INSC: variants seen among roughly 807,000 people sequenced by gnomAD.
The protein encoded by INSC is INSC spindle orientation adaptor protein.
INSC carries 67 observed loss-of-function variants against 58.6 expected under a neutral mutation model. The observed-to-expected ratio is 1.14, with a 90% confidence interval of 0.94 to 1.40. The LOEUF (loss-of-function observed/expected upper bound fraction) is 1.40. Ranked by LOEUF, INSC falls within the 40% of genes most tolerant of loss-of-function variation. The pLI, the probability that INSC is intolerant of heterozygous loss-of-function variation, is 0.00. For synonymous variants in INSC, 262 were observed against 276.1 expected (o/e 0.95, Z 0.51); for missense variants, 714 against 692.0 (o/e 1.03, Z -0.36).
intron 1 of INSC, among the ~76,000 whole-genome samples, chr11:15,146,761 T>G (rs1449744392): frequency 6.6e-6 from 1 of 152,232 alleles, no homozygotes. Context: ...GGCTATTGAA[T>G]GTACAGTCAC....
At chr11:15,211,145 G>C (rs1390951054) in intron 7 of INSC, among the ~76,000 whole-genome samples, 2 of 152,226 alleles carry the variant, frequency 1.3e-5, no homozygotes, top group African/African-American at 4.8e-5. Context: ...TTCCAAAGGA[G>C]TGTTTCGTTC....
intron 5 of INSC, among the ~76,000 whole-genome samples, chr11:15,180,208 A>C (rs781671435): frequency 5.9e-5 from 9 of 152,122 alleles, no homozygotes; most frequent in Non-Finnish European, 1.3e-4. Context: ...CAGTGAGGGG[A>C]GATCGCGCCA....
At chr11:15,155,791 G>A (rs1848795427) in intron 2 of INSC, among the ~76,000 whole-genome samples, 1 of 152,188 alleles carries the variant, frequency 6.6e-6, no homozygotes, top group East Asian at 1.9e-4. Context: ...GCCAAGAAAA[G>A]AATAGGCATA....
intron 5 of INSC, chr11:15,188,144 G>T (rs1460467334): frequency 2.0e-6 from 2 of 982,108 alleles, no homozygotes; most frequent in East Asian, 2.3e-4. Flanking sequence ...GTGTGGCCTT[G>T]GCAAGAATAC....
At chr11:15,199,211 C>A (rs543743608) in intron 6 of INSC, among the ~76,000 whole-genome samples, 1 of 152,126 alleles carries the variant, frequency 6.6e-6, no homozygotes, top group Non-Finnish European at 1.5e-5. Flanking sequence ...TTTGAATGCA[C>A]GAATGAATGT....
intron 2 of INSC, among the ~76,000 whole-genome samples, chr11:15,157,149 C>A (rs1848842901): frequency 6.6e-6 from 1 of 152,176 alleles, no homozygotes; most frequent in Admixed American, 6.5e-5. Flanking sequence ...CTCCTGGGAG[C>A]CACGTTCACT....
At chr11:15,167,419 A>G (rs1341040572) in intron 2 of INSC, among the ~76,000 whole-genome samples, 2 of 152,022 alleles carry the variant, frequency 1.3e-5, no homozygotes, top group Non-Finnish European at 2.9e-5. Context: ...TTGGGGAGAA[A>G]GAGTTGCTGC....
intron 1 of INSC, among the ~76,000 whole-genome samples, chr11:15,123,831 A>T (rs1040875389): frequency 4.6e-5 from 7 of 152,192 alleles, no homozygotes; most frequent in African/African-American, 1.7e-4. Flanking sequence ...AAATATCTTT[A>T]CAATTCTATG....
At chr11:15,268,541 C>T in the INSC span, among the ~76,000 whole-genome samples, 2 of 152,034 alleles carry the variant, frequency 1.3e-5, no homozygotes, top group African/African-American at 4.8e-5. Context: ...AAGTTATAGT[C>T]TCTAAAATGA....
the INSC span, among the ~76,000 whole-genome samples, chr11:15,267,807 T>C: frequency 1.2e-4 from 19 of 152,160 alleles, 1 homozygote; most frequent in East Asian, 3.5e-3. Flanking sequence ...TAATTATTGA[T>C]TGGATGCAAG....
At chr11:15,121,533 G>A (rs1467400369) in intron 1 of INSC, among the ~76,000 whole-genome samples, 1 of 152,154 alleles carries the variant, frequency 6.6e-6, no homozygotes, top group African/African-American at 2.4e-5. Flanking sequence ...TTTATCACTT[G>A]CTTAAGAATA....
the INSC span, among the ~76,000 whole-genome samples, chr11:15,258,070 T>A: frequency 1.3e-5 from 2 of 152,156 alleles, no homozygotes; most frequent in Non-Finnish European, 2.9e-5. Flanking sequence ...AGACCTGCAG[T>A]ATATATGGGA....
intron 2 of INSC, among the ~76,000 whole-genome samples, chr11:15,174,147 G>T (rs1438031094): frequency 2.1e-5 from 3 of 144,280 alleles, no homozygotes; most frequent in African/African-American, 7.8e-5. Flanking sequence ...GCTATTCCTT[G>T]CACATCTCAG....
intron 2 of INSC, among the ~76,000 whole-genome samples, chr11:15,166,718 T>G (rs1043465478): frequency 4.6e-5 from 7 of 152,240 alleles, no homozygotes; most frequent in African/African-American, 1.7e-4. Flanking sequence ...ACATATTTAT[T>G]GATACCTACT....
At chr11:15,155,454 AT>A (rs1159625196) in intron 2 of INSC, among the ~76,000 whole-genome samples, 5 of 152,224 alleles carry the variant, frequency 3.3e-5, no homozygotes, top group African/African-American at 1.2e-4. Flanking sequence ...TATTTAGTAA[AT>A]CTTTATAGAG....
In INSC at chr11:15,240,521, C is replaced by G; in HGVS notation, c.1468C>G (p.Leu490Val). The G allele has an allele frequency of 6.2e-7, 1 of 1,612,728 alleles. No homozygotes were observed. Among genetic ancestry groups the G allele is most frequent in the Non-Finnish European group, 8.5e-7 (1 of 1,179,388 alleles). ...CAGTGACGCCGTGCTTGTGGCCTGC[C>G]TGGTGAGTTCTCAGTCTTCCCCCAG... ...NSSDAVLVAC[L>V]AALRRLAGVC... is the part of the protein sequence containing the mutation. Residue 490 changes from leucine (L) to valine (V), a missense_variant and splice_region_variant, in exon 12 of 13, where the codon CTG becomes GTG. Coordinates refer to ENST00000379556, the MANE Select transcript of INSC (RefSeq NM_001042536.3).
intron 6 of INSC, among the ~76,000 whole-genome samples, chr11:15,193,078 C>A (rs1850239344): frequency 6.6e-6 from 1 of 152,154 alleles, no homozygotes; most frequent in Admixed American, 6.5e-5. Flanking sequence ...TGCAGGTATT[C>A]AAATTGTGAG....
chr11:15,198,486 A>G (rs1350205585), intron 6 of INSC, among the ~76,000 whole-genome samples: 1 of 152,272 alleles, frequency 6.6e-6, no homozygotes, highest in East Asian at 1.9e-4. Context: ...GGAGGCTGCC[A>G]CATTCATCCT....
At chr11:15,112,477 G>GCCTC, upstream of INSC, 2 of 1,607,818 alleles carry the variant, frequency 1.2e-6, no homozygotes, top group African/African-American at 2.7e-5. Flanking sequence ...GCCATGAGAC[G>GCCTC]GCCCCCTGGC....
Sources: gnomAD v4.1 joint callset for allele counts (sites outside exome capture counted in the v4.1 genomes callset) on GRCh38, gnomAD v4.1.1 for gene constraint, MANE v1.5 for transcripts, NCBI Gene and HGNC (gene_info 2026-07-23, HGNC 2026-07-21) for gene names.